The following HOMER2 variants were observed in gnomAD, a reference collection of about 807,000 sequenced individuals.
HOMER2 encodes homer protein homolog 2.
HOMER2 carries 27 observed loss-of-function variants against 47.0 expected under a neutral mutation model. That is an observed-to-expected ratio of 0.57 (90% CI 0.42 to 0.79). The LOEUF (loss-of-function observed/expected upper bound fraction) is 0.79. Ranked by LOEUF, HOMER2 falls within the 30% of genes least tolerant of loss-of-function variation. HOMER2 has a pLI of 0.00. For synonymous variants in HOMER2, 161 were observed against 163.8 expected, an observed-to-expected ratio of 0.98 and a Z score of 0.13; for missense variants, 443 against 435.0, an observed-to-expected ratio of 1.02 and a Z score of -0.16.
chr15:82,976,676 T>TA (rs2030214179), intron 1 of HOMER2, among the ~76,000 whole-genome samples: 1 of 92,204 alleles, frequency 1.1e-5, no homozygotes, highest in African/African-American at 4.7e-5. Flanking sequence ...GATTTGTGTG[T>TA]GGTTTTTTTT....
At chr15:82,847,680 T>C (rs2051271829), downstream of HOMER2, among the ~76,000 whole-genome samples, 1 of 152,248 alleles carries the variant, frequency 6.6e-6, no homozygotes, top group Non-Finnish European at 1.5e-5. Flanking sequence ...GCGGGCTCTT[T>C]CTAGATTCAT....
rs1567033115 is a variant in HOMER2 at position 82,882,883 on chromosome 15, T to TCCCCTTCCAGCCCACAACAGCCTCC, written c.163-7480_163-7479insGGAGGCTGTTGTGGGCTGGAAGGGG. Among the ~76,000 whole-genome samples, 65 of 61,636 alleles carry TCCCCTTCCAGCCCACAACAGCCTCC rather than the reference T, an allele frequency of 1.1e-3. 7 individuals are homozygous for TCCCCTTCCAGCCCACAACAGCCTCC. The highest frequency in any genetic ancestry group is 2.2e-3 in the Admixed American group (13 of 5,904). 40.4% of individuals were successfully genotyped at this position (61,636 alleles called of 152,430 possible). A position where few individuals can be genotyped will look rare whatever the true frequency, so the allele number is the denominator to read the frequency against. ...AGTCCATTCTACACCAGCCACTGCTTTTTTTTTTTTTTTTTTTTTTTTTAT... is the reference window on the plus strand; with the variant it reads ...AGTCCATTCTACACCAGCCACTGCTTCCCCTTCCAGCCCACAACAGCCTCCTTTTTTTTTTTTTTTTTTTTTTTAT... On this transcript the variant is annotated intron_variant, in intron 2 of 8. Transcript: ENST00000450735.
intron 6 of HOMER2, among the ~76,000 whole-genome samples, chr15:82,854,099 TG>T (rs1199189874): frequency 2.6e-5 from 4 of 152,102 alleles, no homozygotes; most frequent in Non-Finnish European, 5.9e-5. Context: ...TTATAAAACT[TG>T]GTTCAGAAAA....
intron 1 of HOMER2, among the ~76,000 whole-genome samples, chr15:82,947,968 T>C (rs1330411462): frequency 2.6e-5 from 4 of 152,150 alleles, no homozygotes; most frequent in Admixed American, 6.5e-5. Flanking sequence ...TGAGCAATTA[T>C]AGGAAACAAA....
intron 1 of HOMER2, among the ~76,000 whole-genome samples, chr15:82,928,637 T>C (rs1293361372): frequency 1.3e-5 from 2 of 152,122 alleles, no homozygotes; most frequent in Non-Finnish European, 2.9e-5. Flanking sequence ...CTAGGTTAGT[T>C]TAGCCTTTAA....
Position 82,862,212 on chromosome 15 carries a change from T to C in HOMER2, c.387+1955A>G, listed in dbSNP as rs538398288. Among the ~76,000 whole-genome samples, 153 of 152,070 alleles carry C rather than the reference T, an allele frequency of 1.0e-3. 1 individual carries two copies. Among genetic ancestry groups the C allele is most frequent in the Non-Finnish European group, 1.9e-3 (132 of 67,986 alleles). On this transcript the variant is annotated intron_variant, in intron 4 of 8. Transcript: ENST00000450735. ...GCCGCTGTACCCAGCCTTAAAAAAA[T>C]ACATACAATAACCTCTATACCTGGG...
At chr15:82,963,171 A>AAC (rs1411579915) in intron 1 of HOMER2, among the ~76,000 whole-genome samples, 23 of 152,270 alleles carry the variant, frequency 1.5e-4, no homozygotes, top group Admixed American at 2.6e-4. Flanking sequence ...TGCAGCCTTG[A>AAC]ACACCTGGGC....
At chr15:82,958,239 C>T (rs1467571853) in exon 2 of HOMER2, 1 of 152,194 alleles carries the variant, frequency 6.6e-6, no homozygotes, top group Non-Finnish European at 1.5e-5. Context: ...AAGGTAGTTC[C>T]TGCAGAAGAC....
chr15:82,908,730 C>T (rs1444527604), intron 1 of HOMER2, among the ~76,000 whole-genome samples: 2 of 147,468 alleles, frequency 1.4e-5, no homozygotes, highest in Admixed American at 1.3e-4. Flanking sequence ...TTTTAGTCAG[C>T]TGTTTTGCTT....
chr15:82,917,845 A>C (rs1337911535), intron 1 of HOMER2, among the ~76,000 whole-genome samples: 1 of 152,200 alleles, frequency 6.6e-6, no homozygotes, highest in Non-Finnish European at 1.5e-5. Context: ...CCAGCAAGGC[A>C]AAACTCATCT....
chr15:82,895,462 C>CA (rs1325611388), intron 1 of HOMER2, among the ~76,000 whole-genome samples: 2 of 152,224 alleles, frequency 1.3e-5, no homozygotes, highest in Admixed American at 1.3e-4. Flanking sequence ...CTGGATCACC[C>CA]AGCTGTGCCA....
chr15:82,896,136 GGGGGCAA>G (rs760975680), intron 1 of HOMER2, among the ~76,000 whole-genome samples: 2 of 152,250 alleles, frequency 1.3e-5, no homozygotes, highest in East Asian at 1.9e-4. Context: ...TGCAAAGGAT[GGGGGCAA>G]GGGGCAAGGG....
exon 2 of HOMER2, chr15:82,843,149 TG>T (rs1179925404): frequency 6.6e-6 from 1 of 152,092 alleles, no homozygotes; most frequent in Non-Finnish European, 1.5e-5. Context: ...CCATCAGAAT[TG>T]GGAAGACCTC....
chr15:82,982,105 C>A (rs931697033), intron 1 of HOMER2, among the ~76,000 whole-genome samples: 11 of 152,180 alleles, frequency 7.2e-5, no homozygotes, highest in Non-Finnish European at 1.3e-4. Context: ...CATGATGTAA[C>A]CTTTCTCATG....
intron 2 of HOMER2, 150 bp downstream of exon 2, chr15:82,892,535 C>A: frequency 1.8e-6 from 1 of 560,704 alleles, no homozygotes; most frequent in Non-Finnish European, 2.9e-6. Context: ...TTTTCTTCCC[C>A]ATTTACCGTA....
At chr15:82,985,150 C>T (rs2030546919) in intron 1 of HOMER2, among the ~76,000 whole-genome samples, 1 of 152,172 alleles carries the variant, frequency 6.6e-6, no homozygotes, top group Non-Finnish European at 1.5e-5. Context: ...ATAATTTATG[C>T]ATGACGTACT....
intron 8 of HOMER2, among the ~76,000 whole-genome samples, chr15:82,850,820 T>C (rs2051366732): frequency 6.6e-6 from 1 of 152,170 alleles, no homozygotes; most frequent in African/African-American, 2.4e-5. Context: ...GTGGCTGAAG[T>C]GGCCCCACAC....
chr15:82,869,054 G>A lies in HOMER2; in HGVS notation c.295-4795C>T, dbSNP rs2052090410. 1.3e-5 allele frequency among the ~76,000 whole-genome samples: 2 copies of A among 152,142 alleles called. 1 individual carries two copies. The highest frequency in any genetic ancestry group is 4.1e-4 in the South Asian group (2 of 4,824). The stretch of plus-strand genomic sequence containing the variant: ...TTAATTTGCATGTAATTAAAAGTAG[G>A]TATAAATGCGACCACAGAACTGCCG... On this transcript the variant is annotated intron_variant, in intron 3 of 8. Coordinates refer to ENST00000450735, the MANE Select transcript of HOMER2 (RefSeq NM_004839.4).
At chr15:82,848,625 C>T (rs769468830), downstream of HOMER2, among the ~76,000 whole-genome samples, 14 of 152,230 alleles carry the variant, frequency 9.2e-5, no homozygotes, top group Non-Finnish European at 1.6e-4. Context: ...CCCGAAATGC[C>T]TGTGATTTCT....
Sources: allele counts gnomAD v4.1 joint callset (sites outside exome capture counted in the v4.1 genomes callset), GRCh38; gene constraint gnomAD v4.1.1; transcripts MANE v1.5; gene names NCBI Gene and HGNC (gene_info 2026-07-23, HGNC 2026-07-21).